The following SUGCT variants were observed in gnomAD, a reference collection of about 807,000 sequenced individuals.
The protein encoded by SUGCT is succinyl-CoA:glutarate CoA-transferase.
Under a neutral mutation model 55.0 loss-of-function variants are expected in SUGCT, and 41 were observed. The observed-to-expected ratio is 0.74, with a 90% confidence interval of 0.58 to 0.97. The LOEUF is 0.97. SUGCT is among the 50% of genes least tolerant of loss of function. The pLI is 0.00. For missense variants in SUGCT, 568 were observed against 547.8 expected (o/e 1.04, Z -0.37); for synonymous variants, 187 against 200.4 (o/e 0.93, Z 0.56).
intron 9 of SUGCT, among the ~76,000 whole-genome samples, chr7:40,448,239 TCCCTC>T (rs2151426070): frequency 3.8e-5 from 1 of 26,076 alleles, no homozygotes; most frequent in African/African-American, 1.5e-4. Context: ...CCTCCCTCCC[TCCCTC>T]CCTTCCTTCC....
intron 6 of SUGCT, among the ~76,000 whole-genome samples, chr7:40,197,863 A>G: frequency 6.6e-6 from 1 of 152,222 alleles, no homozygotes; most frequent in East Asian, 1.9e-4. Context: ...CTACTTGGGA[A>G]GCCCACACTT....
At chr7:40,986,595 C>A in the SUGCT span, among the ~76,000 whole-genome samples, 1 of 152,214 alleles carries the variant, frequency 6.6e-6, no homozygotes, top group African/African-American at 2.4e-5. Context: ...TTACTCTCTT[C>A]TGACGTGTGC....
chr7:40,237,852 C>T, intron 7 of SUGCT, 126 bp downstream of exon 7: 2 of 667,858 alleles, frequency 3.0e-6, no homozygotes, highest in Non-Finnish European at 2.5e-6. Context: ...GCTGTTTTTG[C>T]CATTGAAATT....
chr7:40,161,864 T>C (rs1385014060), intron 1 of SUGCT, among the ~76,000 whole-genome samples: 1 of 152,120 alleles, frequency 6.6e-6, no homozygotes, highest in East Asian at 1.9e-4. Flanking sequence ...ATTGGTACCA[T>C]TTTGTACCCT....
intron 3 of SUGCT, among the ~76,000 whole-genome samples, chr7:40,184,656 G>C (rs1487579550): frequency 6.6e-6 from 1 of 152,026 alleles, no homozygotes; most frequent in African/African-American, 2.4e-5. Context: ...TGTTTTAGAA[G>C]TTTTCAAAAA....
intron 12 of SUGCT, among the ~76,000 whole-genome samples, chr7:40,658,086 C>A (rs1232573131): frequency 6.6e-6 from 1 of 152,152 alleles, no homozygotes; most frequent in Non-Finnish European, 1.5e-5. Context: ...ACAACCAAAG[C>A]CTCTAATGAC....
chr7:41,037,578 C>T, the SUGCT span, among the ~76,000 whole-genome samples: 9 of 150,816 alleles, frequency 6.0e-5, no homozygotes, highest in Admixed American at 4.6e-4. Flanking sequence ...AATTTCTTAA[C>T]TAACCTGGAA....
intron 12 of SUGCT, among the ~76,000 whole-genome samples, chr7:40,590,705 T>C (rs1797666929): frequency 6.6e-6 from 1 of 152,150 alleles, no homozygotes; most frequent in African/African-American, 2.4e-5. Context: ...CTGACTCCTT[T>C]GTCGGGGCTA....
At chr7:41,037,503 C>T in the SUGCT span, among the ~76,000 whole-genome samples, 2 of 144,454 alleles carry the variant, frequency 1.4e-5, no homozygotes, top group Admixed American at 6.9e-5. Context: ...TGTGCTCAGC[C>T]TTTTTTTTTT....
intron 12 of SUGCT, among the ~76,000 whole-genome samples, chr7:40,504,005 A>G (rs867175080): frequency 6.6e-6 from 1 of 152,222 alleles, no homozygotes; most frequent in Non-Finnish European, 1.5e-5. Context: ...GCCACTTTGT[A>G]CAAACTCAGA....
intron 13 of SUGCT, among the ~76,000 whole-genome samples, chr7:40,793,806 T>C (rs1361373307): frequency 6.6e-6 from 1 of 152,088 alleles, no homozygotes; most frequent in Non-Finnish European, 1.5e-5. Context: ...TTCATGTCTT[T>C]TAACTTTCAT....
rs1413745087 is a variant in SUGCT, at chr7:40,205,491, AT to A, written c.484+10433del. On this transcript the variant is annotated intron_variant, in intron 6 of 13. Coordinates refer to ENST00000335693, the MANE Select transcript of SUGCT (RefSeq NM_001193313.2). ...ACCCCATCTCTACTAAAAATACAAA[AT>A]TAACCGGGCATGGTGGTGCATGCCT... Among the ~76,000 whole-genome samples the A allele has an allele frequency of 8.6e-5, 13 of 151,884 alleles. No individual in the cohort carries two copies. The South Asian group carries it at 1.9e-3, about 22-fold the overall frequency.
intron 12 of SUGCT, among the ~76,000 whole-genome samples, chr7:40,570,672 G>A (rs1796392804): frequency 6.6e-6 from 1 of 151,962 alleles, no homozygotes; most frequent in African/African-American, 2.4e-5. Flanking sequence ...TTAATTCTTT[G>A]ACTTTGCAGC....
intron 9 of SUGCT, among the ~76,000 whole-genome samples, chr7:40,347,353 A>G (rs927595950): frequency 3.3e-5 from 5 of 152,232 alleles, no homozygotes; most frequent in Non-Finnish European, 7.3e-5. Context: ...AACCCTTGTT[A>G]TAAAGTGGCA....
At chr7:40,189,254 A>G (rs963624059) in intron 4 of SUGCT, among the ~76,000 whole-genome samples, 2 of 152,144 alleles carry the variant, frequency 1.3e-5, no homozygotes, top group Non-Finnish European at 2.9e-5. Context: ...AGGCATGTGA[A>G]TCGCCTGAAC....
chr7:41,027,969 T>G, the SUGCT span, among the ~76,000 whole-genome samples: 2 of 152,218 alleles, frequency 1.3e-5, no homozygotes, highest in African/African-American at 4.8e-5. Context: ...CAAACTGGCT[T>G]TCCTCATCTG....
intron 12 of SUGCT, among the ~76,000 whole-genome samples, chr7:40,725,861 A>AT (rs898872128): frequency 3.3e-4 from 50 of 151,210 alleles, no homozygotes; most frequent in South Asian, 2.1e-3. Context: ...ATTTTTAAGG[A>AT]TTTTTTTTTA....
chr7:40,255,837 T>C (rs1790779647), intron 7 of SUGCT, among the ~76,000 whole-genome samples: 1 of 152,214 alleles, frequency 6.6e-6, no homozygotes, highest in Non-Finnish European at 1.5e-5. Flanking sequence ...TGCCATCTTG[T>C]ACATAGATCT....
intron 12 of SUGCT, among the ~76,000 whole-genome samples, chr7:40,694,720 C>G (rs1784848223): frequency 6.6e-6 from 1 of 152,138 alleles, no homozygotes; most frequent in Non-Finnish European, 1.5e-5. Context: ...CTCTTTTCAA[C>G]AGTTTGTTTC....
Sources: gnomAD v4.1 joint callset for allele counts (sites outside exome capture counted in the v4.1 genomes callset) on GRCh38, gnomAD v4.1.1 for gene constraint, MANE v1.5 for transcripts, NCBI Gene and HGNC (gene_info 2026-07-23, HGNC 2026-07-21) for gene names.